Variants in PPFIBP1 observed in about 807,000 individuals in gnomAD.
PPFIBP1 encodes the protein liprin-beta-1.
A neutral mutation model predicts 137.8 loss-of-function variants in PPFIBP1; 112 were observed. That is an observed-to-expected ratio of 0.81 (90% CI 0.70 to 0.95). PPFIBP1 has a LOEUF of 0.95. PPFIBP1 is among the 40% of genes least tolerant of loss of function. The probability of loss-of-function intolerance (pLI) is 0.00; values close to 1 mark genes in which losing one functional copy is unlikely to be tolerated. For missense variants in PPFIBP1, 1,083 were observed against 1,196.6 expected, an observed-to-expected ratio of 0.91 and a Z score of 1.40; for synonymous variants, 378 against 417.3, an observed-to-expected ratio of 0.91 and a Z score of 1.15.
chr12:27,616,090 G>A (rs1033326854), intron 2 of PPFIBP1, among the ~76,000 whole-genome samples: 1 of 151,612 alleles, frequency 6.6e-6, no homozygotes, highest in Non-Finnish European at 1.5e-5. Flanking sequence ...TCTTTTTTCC[G>A]TTCTCAATTC....
At chr12:27,652,643 A>C (rs1331804089) in intron 7 of PPFIBP1, among the ~76,000 whole-genome samples, 1 of 152,190 alleles carries the variant, frequency 6.6e-6, no homozygotes, top group Non-Finnish European at 1.5e-5. Context: ...TTTTTTGTTA[A>C]AACAGATAAA....
intron 2 of PPFIBP1, among the ~76,000 whole-genome samples, chr12:27,593,128 T>TTAAAA (rs2052729261): frequency 6.1e-5 from 1 of 16,356 alleles, no homozygotes; most frequent in Non-Finnish European, 1.4e-4. Context: ...AAAGAATGTC[T>TTAAAA]CAAAAAAAAA....
intron 13 of PPFIBP1, among the ~76,000 whole-genome samples, chr12:27,671,003 G>A (rs997385825): frequency 1.3e-5 from 2 of 151,802 alleles, no homozygotes; most frequent in African/African-American, 4.8e-5. Context: ...GCTTAAGGTT[G>A]TTAGGATTTA....
At chr12:27,665,544 A>T (rs866553449) in intron 12 of PPFIBP1, among the ~76,000 whole-genome samples, 17 of 152,206 alleles carry the variant, frequency 1.1e-4, no homozygotes, top group African/African-American at 4.1e-4. Context: ...AGACAGGTAC[A>T]TAAAGAGAGT....
chr12:27,606,454 T>C (rs1222693753), intron 2 of PPFIBP1, among the ~76,000 whole-genome samples: 5 of 152,246 alleles, frequency 3.3e-5, no homozygotes, highest in Admixed American at 6.5e-5. Context: ...ACAAATAATA[T>C]TGTTTGCCAT....
chr12:27,596,071 T>TACAC (rs376577510), intron 2 of PPFIBP1, among the ~76,000 whole-genome samples: 42,082 of 130,396 alleles, frequency 0.32, 7,267 homozygotes, highest in Middle Eastern at 0.38. Flanking sequence ...TGGGTATAAA[T>TACAC]ACACACACAC....
intron 14 of PPFIBP1, among the ~76,000 whole-genome samples, chr12:27,671,785 A>G (rs1186082324): frequency 6.6e-6 from 1 of 152,202 alleles, no homozygotes; most frequent in African/African-American, 2.4e-5. Flanking sequence ...GATTTTAAGG[A>G]ACTTGGCCAA....
At chr12:27,676,754 G>A in intron 18 of PPFIBP1, 155 bp downstream of exon 18, 2 of 761,564 alleles carry the variant, frequency 2.6e-6, no homozygotes, top group Middle Eastern at 3.1e-4. Context: ...ATGCCTCCGT[G>A]GATTTAATTT....
chr12:27,599,512 TCTTTCTCTC>T (rs1295789297), intron 2 of PPFIBP1: 1 of 455,876 alleles, frequency 2.2e-6, no homozygotes, highest in Non-Finnish European at 4.4e-6. Context: ...CTCTCCTTTC[TCTTTCTCTC>T]CTTCCCTCCT....
At chr12:27,673,644 C>T (rs2060335109) in intron 15 of PPFIBP1, 123 bp from the exon 16 acceptor site, 1 of 754,380 alleles carries the variant, frequency 1.3e-6, no homozygotes, top group African/African-American at 1.8e-5. Context: ...TGCCTGATTC[C>T]AGATTTTCTT....
At position 27,656,693 on chromosome 12, in the gene PPFIBP1, C is replaced by T. The variant is rs371497886; in HGVS notation, c.774C>T (p.Cys258=). The change falls in exon 9 of 30, where the codon TGC becomes TGT. Residue 258 remains cysteine, a synonymous_variant. Coordinates refer to ENST00000228425, the MANE Select transcript of PPFIBP1 (RefSeq NM_003622.4). ...AAAGGCTACAAGAAAAATTGGTTTGCAAGATGAAAGGAGAAGGGGTTGAAA... is the reference window on the plus strand; with the variant it reads ...AAAGGCTACAAGAAAAATTGGTTTGTAAGATGAAAGGAGAAGGGGTTGAAA... ...EVKRLQEKLV[C]KMKGEGVEIV... The T allele has an allele frequency of 7.8e-5, 125 of 1,611,694 alleles. No homozygotes were observed. Among genetic ancestry groups the T allele is most frequent in the Non-Finnish European group, 1.0e-4 (123 of 1,178,272 alleles).
intron 2 of PPFIBP1, among the ~76,000 whole-genome samples, chr12:27,617,979 T>C (rs1373390280): frequency 6.6e-6 from 1 of 152,204 alleles, no homozygotes; most frequent in Non-Finnish European, 1.5e-5. Context: ...ACATTTACTC[T>C]CTTCTGCTTC....
At chr12:27,605,807 A>G (rs2054468339) in intron 2 of PPFIBP1, among the ~76,000 whole-genome samples, 1 of 152,158 alleles carries the variant, frequency 6.6e-6, no homozygotes, top group Non-Finnish European at 1.5e-5. Flanking sequence ...ACAGTATATC[A>G]ATTTTTAAAA....
intron 2 of PPFIBP1, chr12:27,593,418 C>T: frequency 2.2e-6 from 1 of 455,610 alleles, no homozygotes; most frequent in Non-Finnish European, 4.4e-6. Flanking sequence ...GCTCATGTTC[C>T]TTAAGCCTTA....
At chr12:27,692,106 G>T (rs1302774416) in intron 28 of PPFIBP1, among the ~76,000 whole-genome samples, 178 bp downstream of exon 28, 1 of 152,164 alleles carries the variant, frequency 6.6e-6, no homozygotes, top group Non-Finnish European at 1.5e-5. Context: ...AGCACTTAAT[G>T]CATACTATGT....
intron 2 of PPFIBP1, among the ~76,000 whole-genome samples, chr12:27,581,294 T>C (rs950019301): frequency 4.6e-5 from 7 of 152,226 alleles, no homozygotes; most frequent in African/African-American, 1.7e-4. Flanking sequence ...GTGCCAGTGG[T>C]CCTTGAGTTC....
chr12:27,608,949 C>G (rs1468608047), intron 2 of PPFIBP1: 1 of 191,208 alleles, frequency 5.2e-6, no homozygotes, highest in Admixed American at 6.4e-5. Context: ...GGCTTTGTTT[C>G]GCTTTGAAGG....
chr12:27,642,723 TG>T (rs774080462), intron 4 of PPFIBP1, among the ~76,000 whole-genome samples: 2 of 151,966 alleles, frequency 1.3e-5, no homozygotes, highest in Non-Finnish European at 2.9e-5. Flanking sequence ...AGTGGAGTGT[TG>T]GGTACAAAAC....
chr12:27,646,339 G>A, intron 5 of PPFIBP1, 191 bp downstream of exon 5: 2 of 621,794 alleles, frequency 3.2e-6, no homozygotes, highest in South Asian at 3.0e-5. Flanking sequence ...TTTAAAAGGA[G>A]CTACCATTAA....
Sources: allele counts gnomAD v4.1 joint callset (sites outside exome capture counted in the v4.1 genomes callset), GRCh38; gene constraint gnomAD v4.1.1; transcripts MANE v1.5; gene names NCBI Gene and HGNC (gene_info 2026-07-23, HGNC 2026-07-21).